The following CNTN4 variants were observed in gnomAD, a reference collection of about 807,000 sequenced individuals.
CNTN4 encodes contactin-4.
CNTN4 carries 77 observed loss-of-function variants against 122.5 expected under a neutral mutation model. The observed-to-expected ratio is 0.63, with a 90% CI of 0.52 to 0.76. The LOEUF (loss-of-function observed/expected upper bound fraction) is 0.76. Among genes scored for constraint, CNTN4 ranks in the 30% least tolerant of loss-of-function variants. CNTN4 has a pLI of 0.00. For synonymous variants in CNTN4, 512 were observed against 447.0 expected (o/e 1.15, Z -1.83); for missense variants, 1,256 against 1,259.1 (o/e 1.00, Z 0.04).
chr3:2,101,555 T>A (rs1360059605), intron 2 of CNTN4, among the ~76,000 whole-genome samples: 1 of 130,032 alleles, frequency 7.7e-6, no homozygotes, highest in Non-Finnish European at 1.6e-5. Flanking sequence ...ACACTGATTT[T>A]TTTTGTTCCT....
intron 13 of CNTN4, among the ~76,000 whole-genome samples, chr3:2,940,008 T>C (rs1017592960): frequency 3.9e-5 from 6 of 152,218 alleles, no homozygotes; most frequent in Non-Finnish European, 7.3e-5. Flanking sequence ...AGCACACCAC[T>C]AGCTGTGGGC....
chr3:2,625,701 G>A (rs945269504), intron 4 of CNTN4, among the ~76,000 whole-genome samples: 1 of 151,982 alleles, frequency 6.6e-6, no homozygotes, highest in Non-Finnish European at 1.5e-5. Flanking sequence ...CATTATTTGT[G>A]AATTGGTATT....
chr3:2,451,028 CT>C (rs2048810131), intron 3 of CNTN4, among the ~76,000 whole-genome samples: 2 of 152,218 alleles, frequency 1.3e-5, no homozygotes, highest in African/African-American at 4.8e-5. Context: ...ACTTTGCCCC[CT>C]GAGGTGGGAA....
At chr3:3,008,927 T>C (rs1696910308) in intron 14 of CNTN4, 7 of 984,742 alleles carry the variant, frequency 7.1e-6, no homozygotes, top group Non-Finnish European at 8.4e-6. Flanking sequence ...AGCTGTGAGA[T>C]TCCAAAAGAA....
At chr3:2,782,119 A>G (rs1321813352) in intron 6 of CNTN4, among the ~76,000 whole-genome samples, 1 of 152,042 alleles carries the variant, frequency 6.6e-6, no homozygotes, top group Non-Finnish European at 1.5e-5. Flanking sequence ...CAGAAAGAAC[A>G]GGCTGTAAAA....
At chr3:2,185,776 A>G (rs1203334534) in intron 2 of CNTN4, among the ~76,000 whole-genome samples, 2 of 152,142 alleles carry the variant, frequency 1.3e-5, no homozygotes, top group Non-Finnish European at 2.9e-5. Context: ...TCAAATTGTC[A>G]TTGAATATTT....
intron 4 of CNTN4, among the ~76,000 whole-genome samples, chr3:2,588,702 A>G (rs753629601): frequency 1.6e-4 from 24 of 151,672 alleles, no homozygotes; most frequent in Non-Finnish European, 3.2e-4. Flanking sequence ...TCTCTGTACA[A>G]TCCAAAAATT....
intron 3 of CNTN4, among the ~76,000 whole-genome samples, chr3:2,350,219 T>C (rs1376425827): frequency 6.6e-6 from 1 of 152,180 alleles, no homozygotes; most frequent in East Asian, 1.9e-4. Context: ...AGTAGGTAGA[T>C]GCCAAGTCTT....
At chr3:2,503,509 C>A (rs1277517607) in intron 3 of CNTN4, among the ~76,000 whole-genome samples, 2 of 152,064 alleles carry the variant, frequency 1.3e-5, no homozygotes, top group Non-Finnish European at 2.9e-5. Context: ...ATTTAATTCC[C>A]ATATCATCTG....
chr3:2,249,411 T>A (rs1178523), intron 2 of CNTN4, among the ~76,000 whole-genome samples: 9,249 of 152,036 alleles, frequency 0.061, 298 homozygotes, highest in African/African-American at 0.066. Flanking sequence ...CAATTATAAG[T>A]GATCTCATGA....
At chr3:2,730,473 C>T (rs866972942) in intron 4 of CNTN4, among the ~76,000 whole-genome samples, 1 of 151,868 alleles carries the variant, frequency 6.6e-6, no homozygotes, top group Non-Finnish European at 1.5e-5. Context: ...TTTGACTTAC[C>T]TTTTTACTAT....
chr3:2,916,363 T>G (rs2094354684), intron 12 of CNTN4, among the ~76,000 whole-genome samples: 2 of 149,190 alleles, frequency 1.3e-5, no homozygotes, highest in African/African-American at 5.0e-5. Context: ...TCCGCAGTGT[T>G]TGTGTCCCTG....
At chr3:2,442,581 T>C (rs745967806) in intron 3 of CNTN4, among the ~76,000 whole-genome samples, 7 of 148,170 alleles carry the variant, frequency 4.7e-5, no homozygotes, top group Non-Finnish European at 9.0e-5. Flanking sequence ...CCCCCATCCC[T>C]AACACACACA....
At chr3:2,655,989 C>T (rs1281075346) in intron 4 of CNTN4, among the ~76,000 whole-genome samples, 1 of 152,100 alleles carries the variant, frequency 6.6e-6, no homozygotes, top group Non-Finnish European at 1.5e-5. Flanking sequence ...GATTTGCTTT[C>T]TGATAATTAG....
chr3:2,763,024 C>T (rs980992750), intron 6 of CNTN4, among the ~76,000 whole-genome samples: 27 of 151,052 alleles, frequency 1.8e-4, no homozygotes, highest in African/African-American at 5.4e-4. Context: ...TCTCCACAAG[C>T]TCCGCCTCCC....
intron 3 of CNTN4, among the ~76,000 whole-genome samples, chr3:2,452,477 C>G (rs539410549): frequency 1.0e-3 from 152 of 152,222 alleles, no homozygotes; most frequent in African/African-American, 3.6e-3. Flanking sequence ...ATGATTAGAG[C>G]CTAGTAATTA....
chr3:2,627,551 T>G (rs1553594797), intron 4 of CNTN4, among the ~76,000 whole-genome samples: 1 of 148,892 alleles, frequency 6.7e-6, no homozygotes, highest in Non-Finnish European at 1.5e-5. Flanking sequence ...TGGAGTGTAG[T>G]AGCGCAATCT....
At chr3:2,528,267 C>T (rs924956424) in intron 3 of CNTN4, among the ~76,000 whole-genome samples, 2 of 152,076 alleles carry the variant, frequency 1.3e-5, no homozygotes, top group African/African-American at 4.8e-5. Context: ...AAGGAAACCT[C>T]TAAAATTTTA....
chr3:2,758,192 A>G (rs1213429689), intron 6 of CNTN4, among the ~76,000 whole-genome samples: 1 of 152,192 alleles, frequency 6.6e-6, no homozygotes, highest in Non-Finnish European at 1.5e-5. Context: ...TCTAAGCGCA[A>G]TGACTACTTT....
Sources: gnomAD v4.1 joint callset for allele counts (sites outside exome capture counted in the v4.1 genomes callset) on GRCh38, gnomAD v4.1.1 for gene constraint, MANE v1.5 for transcripts, NCBI Gene and HGNC (gene_info 2026-07-23, HGNC 2026-07-21) for gene names.